Variants in KDM4C observed in about 807,000 individuals in gnomAD.
KDM4C encodes lysine demethylase 4C, also known as lysine-specific demethylase 4C.
Under a neutral mutation model 129.3 loss-of-function variants are expected in KDM4C, and 81 were observed. That is an observed-to-expected ratio of 0.63 (90% CI 0.52 to 0.75). The LOEUF (loss-of-function observed/expected upper bound fraction) is 0.75. KDM4C is among the 30% of genes least tolerant of loss of function. KDM4C has a pLI of 0.00. For synonymous variants in KDM4C, 573 were observed against 456.1 expected (o/e 1.26, Z -3.26); for missense variants, 1,457 against 1,304.0 (o/e 1.12, Z -1.81).
At chr9:6,819,241 C>G (rs544276862) in intron 4 of KDM4C, among the ~76,000 whole-genome samples, 2 of 152,258 alleles carry the variant, frequency 1.3e-5, no homozygotes, top group African/African-American at 4.8e-5. Flanking sequence ...TAAGCATTGA[C>G]TGTAAAGATG....
chr9:6,864,809 C>CT (rs148477943), intron 5 of KDM4C, among the ~76,000 whole-genome samples: 21,501 of 150,066 alleles, frequency 0.14, 1,864 homozygotes, highest in South Asian at 0.34. Flanking sequence ...TGTTGGCAAT[C>CT]TTTTTTTTTA....
intron 19 of KDM4C, among the ~76,000 whole-genome samples, chr9:7,131,157 G>T (rs190173244): frequency 1.3e-3 from 197 of 152,094 alleles, no homozygotes; most frequent in African/African-American, 4.7e-3. Flanking sequence ...TCCTCCTTTT[G>T]TGCTCCCCAC....
chr9:7,000,069 T>C (rs983413397), intron 12 of KDM4C, among the ~76,000 whole-genome samples: 1 of 152,232 alleles, frequency 6.6e-6, no homozygotes, highest in Non-Finnish European at 1.5e-5. Context: ...CTGCGTTATG[T>C]GGACACAAAA....
intron 1 of KDM4C, among the ~76,000 whole-genome samples, chr9:6,748,188 C>CAACAACAATTAAA (rs1817946825): frequency 6.8e-6 from 1 of 147,770 alleles, no homozygotes; most frequent in Non-Finnish European, 1.5e-5. Context: ...AACAAACAAA[C>CAACAACAATTAAA]AAAAAACAAC....
chr9:6,764,013 C>A (rs1820124943), intron 1 of KDM4C, among the ~76,000 whole-genome samples: 1 of 152,196 alleles, frequency 6.6e-6, no homozygotes, highest in African/African-American at 2.4e-5. Context: ...TCCGCCTCGG[C>A]CTCCCAAAGT....
At chr9:7,021,862 C>A (rs888506246) in intron 15 of KDM4C, among the ~76,000 whole-genome samples, 1 of 152,146 alleles carries the variant, frequency 6.6e-6, no homozygotes, top group Admixed American at 6.5e-5. Context: ...AAGTTTCATT[C>A]ATTTCCATTT....
chr9:6,919,646 G>A lies in KDM4C; in HGVS notation c.921+26414G>A, dbSNP rs28370956. Among the ~76,000 whole-genome samples, 509 of 151,396 alleles carry A rather than the reference G, an allele frequency of 3.4e-3. 3 individuals carry two copies. The highest frequency in any genetic ancestry group is 0.011 in the African/African-American group (456 of 41,158). ...GCTGGAGTGCAATGGCGCGATCTTG[G>A]CTCCCTGCAATCTCCGCCTCCCGGG... is the stretch of plus-strand genomic sequence containing the variant. On this transcript the variant is annotated intron_variant, in intron 8 of 21. Transcript: ENST00000381309.
At chr9:7,151,235 C>G (rs1444601508) in intron 19 of KDM4C, among the ~76,000 whole-genome samples, 2 of 152,056 alleles carry the variant, frequency 1.3e-5, no homozygotes, top group African/African-American at 4.8e-5. Context: ...AATAACAGAC[C>G]TATCTTTTAG....
rs748490790 is a variant in KDM4C, at chr9:6,888,084, C to T, written c.783+21C>T. ...ACAAGGTATGTTAGTATTCATCTTA[C>T]ACAAATTAATTTTGTTTGTGTAGGA... On this transcript the variant is annotated intron_variant, in intron 7 of 21. Transcript: ENST00000381309. The T allele has an allele frequency of 1.8e-4, 230 of 1,262,976 alleles. 1 individual carries two copies. Among genetic ancestry groups the T allele is most frequent in the Non-Finnish European group, 2.3e-4 (209 of 896,248 alleles). The allele number at this position is 1,262,976 out of a possible 1,614,324, so 78.2% of individuals were successfully genotyped here.
At chr9:7,021,769 A>G (rs1467346601) in intron 15 of KDM4C, among the ~76,000 whole-genome samples, 1 of 152,138 alleles carries the variant, frequency 6.6e-6, no homozygotes, top group Non-Finnish European at 1.5e-5. Context: ...ATTTTCTGTT[A>G]GTAGTTTCAT....
In KDM4C at chr9:6,722,485, C is replaced by T. The variant is rs150932560; in HGVS notation, c.49+1488C>T. Among the ~76,000 whole-genome samples the T allele has an allele frequency of 1.1e-3, 169 of 151,500 alleles. 1 individual carries two copies. The highest frequency in any genetic ancestry group is 6.6e-3 in the East Asian group (34 of 5,160). Reference sequence around the variant, plus strand: ...TTGAGCTCAGGAGTTTGACGCAAGCCTGAGCAACATGGCAAAACCCTATGT... The same window carrying T: ...TTGAGCTCAGGAGTTTGACGCAAGCTTGAGCAACATGGCAAAACCCTATGT... On this transcript the variant is annotated intron_variant, in intron 1 of 17. Coordinates refer to the KDM4C transcript ENST00000536108.
chr9:7,104,004 T>C, intron 18 of KDM4C, 134 bp downstream of exon 18: 1 of 798,694 alleles, frequency 1.3e-6, no homozygotes, highest in East Asian at 2.7e-5. Flanking sequence ...GTGAGTTCCT[T>C]GAGGGCAGGG....
chr9:6,775,521 T>A (rs1028502518), intron 1 of KDM4C, among the ~76,000 whole-genome samples: 1 of 152,012 alleles, frequency 6.6e-6, no homozygotes, highest in East Asian at 1.9e-4. Flanking sequence ...CTTGAGGCCC[T>A]AGCAAATGGT....
At position 6,758,176 on chromosome 9, in the gene KDM4C, CGT is replaced by C; in HGVS notation, c.-43_-42del. The C allele has an allele frequency of 1.0e-6, 1 of 986,088 alleles. No homozygotes were observed. The highest frequency in any genetic ancestry group is 4.7e-5 in the South Asian group (1 of 21,302). The allele number at this position is 986,088 out of a possible 1,614,324, so 61.1% of individuals were successfully genotyped here. A position where few individuals can be genotyped will look rare whatever the true frequency, so the allele number is the denominator to read the frequency against. Reference sequence around the variant, plus strand: ...GTCTTCTCTTCCTCCTCCACCGAGTCGTGCTCTCGCCCCAACCCGCGCGCCAG... The same window carrying C: ...GTCTTCTCTTCCTCCTCCACCGAGTCGCTCTCGCCCCAACCCGCGCGCCAG... On this transcript the variant is annotated 5_prime_UTR_variant, in exon 1 of 22. Coordinates refer to ENST00000381309, the MANE Select transcript of KDM4C (RefSeq NM_015061.6). This position sits in a 1 kb window ranked among gnomAD's most constrained non-coding sequence, Gnocchi z 4.6.
intron 5 of KDM4C, among the ~76,000 whole-genome samples, chr9:6,856,495 C>T (rs1346767049): frequency 4.0e-5 from 6 of 150,376 alleles, no homozygotes; most frequent in South Asian, 4.2e-4. Context: ...TAAAATTAAC[C>T]GCATAGGTTA....
chr9:7,016,908 C>T (rs1823801013), intron 15 of KDM4C, among the ~76,000 whole-genome samples: 1 of 152,036 alleles, frequency 6.6e-6, no homozygotes, highest in Non-Finnish European at 1.5e-5. Flanking sequence ...CCTCAGTGAC[C>T]CCTGAAGAAA....
intron 4 of KDM4C, among the ~76,000 whole-genome samples, chr9:6,842,339 C>T (rs1448698205): frequency 7.3e-5 from 8 of 109,176 alleles, no homozygotes; most frequent in Admixed American, 6.6e-4. Flanking sequence ...TTTTTTGAGA[C>T]GGAGTCTTGC....
At chr9:6,852,607 A>G (rs986207541) in intron 5 of KDM4C, among the ~76,000 whole-genome samples, 2 of 152,100 alleles carry the variant, frequency 1.3e-5, no homozygotes, top group Non-Finnish European at 2.9e-5. Flanking sequence ...TCTCCCCTTC[A>G]GTATGGGATG....
chr9:6,964,103 G>A (rs10758812), intron 8 of KDM4C, among the ~76,000 whole-genome samples: 112,804 of 152,040 alleles, frequency 0.74, 42,223 homozygotes, highest in East Asian at 1. Context: ...ATTTATTTCA[G>A]TTATACTTTA....
Sources: gnomAD v4.1 joint callset for allele counts (sites outside exome capture counted in the v4.1 genomes callset) on GRCh38, gnomAD v4.1.1 for gene constraint, Gnocchi (gnomAD v3.1) non-coding constraint, MANE v1.5 for transcripts, NCBI Gene and HGNC (gene_info 2026-07-23, HGNC 2026-07-21) for gene names.